CSMD1: variants seen among roughly 807,000 people sequenced by gnomAD.
CSMD1 encodes CUB and sushi domain-containing protein 1.
In CSMD1, 213 loss-of-function variants were observed where a neutral mutation model predicts 417.5. That is an observed-to-expected ratio of 0.51 (90% CI 0.46 to 0.57). The LOEUF is 0.57. Ranked by LOEUF, CSMD1 falls within the 20% of genes least tolerant of loss-of-function variation. CSMD1 has a pLI of 0.00. For missense variants in CSMD1, 6,923 were observed against 4,529.7 expected, an observed-to-expected ratio of 1.53 and a Z score of -15.17; for synonymous variants, 2,862 against 1,736.8, an observed-to-expected ratio of 1.65 and a Z score of -16.11.
chr8:4,142,373 G>C (rs1042577422), intron 3 of CSMD1, among the ~76,000 whole-genome samples: 5 of 150,998 alleles, frequency 3.3e-5, no homozygotes, highest in Non-Finnish European at 7.4e-5. Flanking sequence ...GCAAATATTA[G>C]AGGCCTCAGG....
At chr8:4,045,334 T>G (rs563363782) in intron 3 of CSMD1, among the ~76,000 whole-genome samples, 1 of 152,144 alleles carries the variant, frequency 6.6e-6, no homozygotes, top group Admixed American at 6.5e-5. Context: ...GGACCATCAA[T>G]TGTGTATGAT....
At chr8:3,659,687 G>C (rs1005442016) in intron 7 of CSMD1, among the ~76,000 whole-genome samples, 1 of 151,840 alleles carries the variant, frequency 6.6e-6, no homozygotes, top group South Asian at 2.1e-4. Context: ...TTAACAATAT[G>C]GGCTTTCCAA....
At chr8:4,218,558 G>C (rs530102040) in intron 3 of CSMD1, among the ~76,000 whole-genome samples, 2 of 152,216 alleles carry the variant, frequency 1.3e-5, no homozygotes, top group East Asian at 3.9e-4. Flanking sequence ...TCTGAGTCAA[G>C]TTGTCTATGT....
intron 5 of CSMD1, among the ~76,000 whole-genome samples, chr8:3,925,627 C>A (rs1226164525): frequency 2.0e-5 from 3 of 152,018 alleles, no homozygotes; most frequent in Admixed American, 2.0e-4. Context: ...GAATAAGTCT[C>A]ATGAGATCTG....
At chr8:4,157,564 C>G (rs973448507) in intron 3 of CSMD1, among the ~76,000 whole-genome samples, 1 of 152,254 alleles carries the variant, frequency 6.6e-6, no homozygotes, top group South Asian at 2.1e-4. Context: ...TTGTCATTCC[C>G]CCGTATTGCT....
chr8:3,734,760 C>G (rs55786222), intron 6 of CSMD1, among the ~76,000 whole-genome samples: 5,373 of 152,278 alleles, frequency 0.035, 127 homozygotes, highest in African/African-American at 0.05. Context: ...GTGGCTGCTT[C>G]TTCTGTAATC....
intron 5 of CSMD1, among the ~76,000 whole-genome samples, chr8:3,797,370 G>A (rs73500771): frequency 0.046 from 7,033 of 151,900 alleles, 324 homozygotes; most frequent in African/African-American, 0.11. Flanking sequence ...CCCACACCCC[G>A]GATGCAGGCA....
At chr8:4,533,734 A>G (rs1796954640) in intron 2 of CSMD1, among the ~76,000 whole-genome samples, 1 of 152,004 alleles carries the variant, frequency 6.6e-6, no homozygotes, top group Non-Finnish European at 1.5e-5. Flanking sequence ...TAAAAATACA[A>G]TGGAATTAGC....
intron 5 of CSMD1, among the ~76,000 whole-genome samples, chr8:3,812,344 C>T (rs112369123): frequency 0.013 from 1,931 of 152,230 alleles, 49 homozygotes; most frequent in African/African-American, 0.044. Flanking sequence ...ATGTGAATGA[C>T]AATTTGTCCT....
intron 3 of CSMD1, among the ~76,000 whole-genome samples, chr8:4,310,308 T>C (rs112477937): frequency 2.6e-5 from 4 of 152,240 alleles, no homozygotes; most frequent in African/African-American, 9.6e-5. Flanking sequence ...TATGGGTGGG[T>C]GTGGAAGGGA....
intron 3 of CSMD1, among the ~76,000 whole-genome samples, chr8:4,316,185 C>G (rs1281387752): frequency 6.6e-6 from 1 of 152,118 alleles, no homozygotes; most frequent in Non-Finnish European, 1.5e-5. Context: ...AGCTAAATTT[C>G]AAGAGAGCAG....
chr8:4,708,118 AT>A (rs530523179), intron 1 of CSMD1, among the ~76,000 whole-genome samples: 1 of 126,782 alleles, frequency 7.9e-6, no homozygotes, highest in Admixed American at 7.7e-5. Flanking sequence ...AATTTTTTGT[AT>A]TTTTTTTTAT....
At chr8:4,461,127 C>A (rs1799791041) in intron 2 of CSMD1, among the ~76,000 whole-genome samples, 1 of 147,978 alleles carries the variant, frequency 6.8e-6, no homozygotes, top group South Asian at 2.2e-4. Context: ...TAACACTGTG[C>A]CATAACAATA....
At chr8:3,859,803 G>A (rs1585101771) in intron 5 of CSMD1, among the ~76,000 whole-genome samples, 1 of 152,168 alleles carries the variant, frequency 6.6e-6, no homozygotes, top group African/African-American at 2.4e-5. Context: ...AATGCATCCT[G>A]ATTCCGCAGG....
chr8:4,477,851 T>C (rs756617793), intron 2 of CSMD1, among the ~76,000 whole-genome samples: 4 of 152,244 alleles, frequency 2.6e-5, no homozygotes, highest in Non-Finnish European at 2.9e-5. Flanking sequence ...TTGCTTTAAC[T>C]GGACATAAAT....
intron 4 of CSMD1, among the ~76,000 whole-genome samples, chr8:4,010,757 G>A (rs1205495352): frequency 1.3e-5 from 2 of 152,058 alleles, no homozygotes; most frequent in Non-Finnish European, 2.9e-5. Flanking sequence ...AGGGCTCATG[G>A]CCTAATGCAC....
In CSMD1 at chr8:3,285,121, TAC is replaced by T. The variant is rs552714573; in HGVS notation, c.3951-777_3951-776del. Among the ~76,000 whole-genome samples, 8 of 152,240 alleles carry T rather than the reference TAC, an allele frequency of 5.3e-5. No homozygotes were observed. In the South Asian group the frequency reaches 1.7e-3, roughly 32 times the overall value. ...TTAGCAGCCCTGAATGGGTCTGATT[TAC>T]AGTTTTTTATTTCCTGCGTATTGCA... is the stretch of plus-strand genomic sequence containing the variant. On this transcript the variant is annotated intron_variant, in intron 25 of 69. Transcript: ENST00000635120.
chr8:3,656,747 G>A (rs374864385), intron 7 of CSMD1, among the ~76,000 whole-genome samples: 15 of 152,036 alleles, frequency 9.9e-5, no homozygotes, highest in Admixed American at 7.9e-4. Flanking sequence ...CTAACATGGC[G>A]AAACCCCATC....
chr8:3,761,281 T>C (rs1797982604), intron 5 of CSMD1, among the ~76,000 whole-genome samples: 1 of 152,092 alleles, frequency 6.6e-6, no homozygotes, highest in Non-Finnish European at 1.5e-5. Flanking sequence ...AACACAATAA[T>C]ACCCAGACAC....
Sources: allele counts gnomAD v4.1 joint callset (sites outside exome capture counted in the v4.1 genomes callset), GRCh38; gene constraint gnomAD v4.1.1; transcripts MANE v1.5; gene names NCBI Gene and HGNC (gene_info 2026-07-23, HGNC 2026-07-21).